FUCA2: variants seen among roughly 807,000 people sequenced by gnomAD.
FUCA2 encodes the protein alpha-L-fucosidase 2.
Under a neutral mutation model 52.6 loss-of-function variants are expected in FUCA2, and 41 were observed. The ratio of observed to expected loss-of-function variants is 0.78; its 90% CI spans 0.61 to 1.01. The LOEUF is 1.01. FUCA2 is among the 50% of genes least tolerant of loss of function. The pLI is 0.00. For synonymous variants in FUCA2, 211 were observed against 217.3 expected (o/e 0.97, Z 0.26); for missense variants, 507 against 569.5 (o/e 0.89, Z 1.12).
rs1265802225 is a variant in FUCA2, at chr6:143,497,553, A to G, written c.1155-56T>C. ...TAGCAAGTTACATCCCATGTTTCTC[A>G]CTATTTATGGATCAGGAACAATCTG... On this transcript the variant is annotated intron_variant, in intron 5 of 6. Coordinates refer to ENST00000002165, the MANE Select transcript of FUCA2 (RefSeq NM_032020.5). This position sits in a 1 kb window ranked among gnomAD's most constrained non-coding sequence, Gnocchi z 5.3. The G allele has an allele frequency of 3.3e-6, 3 of 898,216 alleles. No homozygotes were observed. The highest frequency in any genetic ancestry group is 5.4e-6 in the Non-Finnish European group (3 of 555,542). 55.6% of individuals were successfully genotyped at this position (898,216 alleles called of 1,614,324 possible).
rs529032539 is a variant in FUCA2, at chr6:143,511,268, C to A, written c.224+143G>T. 3.2e-5 allele frequency: 22 copies of A among 679,660 alleles called. No homozygotes were observed. The highest frequency in any genetic ancestry group is 4.1e-5 in the Non-Finnish European group (17 of 418,170). The allele number at this position is 679,660 out of a possible 1,614,324, so 42.1% of individuals were successfully genotyped here. A position where few individuals can be genotyped will look rare whatever the true frequency, so the allele number is the denominator to read the frequency against. On this transcript the variant is annotated intron_variant, in intron 1 of 6. Coordinates refer to ENST00000002165, the MANE Select transcript of FUCA2 (RefSeq NM_032020.5). The surrounding 1 kb of genome is among the most constrained non-coding windows in gnomAD (Gnocchi z 6.3). ...ACCACATATTCGACACCCGGAAGTG[C>A]GAAACGCGGGTAACGCAGTGGGAGG...
chr6:143,505,296 T>G (rs1156325456), intron 2 of FUCA2: 1 of 149,520 alleles, frequency 6.7e-6, no homozygotes, highest in African/African-American at 2.5e-5. Flanking sequence ...TAAGAATGAC[T>G]CATACTTTCG....
Position 143,503,865 on chromosome 6 carries a change from A to G in FUCA2, c.752+48T>C. 7.3e-7 allele frequency: 1 copy of G among 1,370,956 alleles called. No individual in the cohort carries two copies. Among genetic ancestry groups the G allele is most frequent in the East Asian group, 2.3e-5 (1 of 43,298 alleles). 84.9% of individuals were successfully genotyped at this position (1,370,956 alleles called of 1,614,324 possible). ...GTGAAGGAATTAAAATGTTAGAAAT[A>G]TATTAGGAATATGGAGGGTAACTGC... On this transcript the variant is annotated intron_variant, in intron 3 of 6. Coordinates refer to ENST00000002165, the MANE Select transcript of FUCA2 (RefSeq NM_032020.5). This position sits in a 1 kb window ranked among gnomAD's most constrained non-coding sequence, Gnocchi z 4.8.
In FUCA2 at chr6:143,503,803, C is replaced by T. The variant is rs1780562589; in HGVS notation, c.752+110G>A. 1 of 782,922 alleles carries T rather than the reference C, an allele frequency of 1.3e-6. No homozygotes were observed. Among genetic ancestry groups the T allele is most frequent in the Non-Finnish European group, 2.0e-6 (1 of 497,582 alleles). 48.5% of individuals were successfully genotyped at this position (782,922 alleles called of 1,614,324 possible). On this transcript the variant is annotated intron_variant, in intron 3 of 6. Transcript: ENST00000002165. This position sits in a 1 kb window ranked among gnomAD's most constrained non-coding sequence, Gnocchi z 4.8. Reference sequence around the variant, plus strand: ...ATTATTTACAATGATTTTCTCCCCCCATACCACCAATGACTTAAAATGAAA... The same window carrying T: ...ATTATTTACAATGATTTTCTCCCCCTATACCACCAATGACTTAAAATGAAA...
Position 143,511,719 on chromosome 6 carries a change from G to T in FUCA2, c.-85C>A. On this transcript the variant is annotated 5_prime_UTR_variant, in exon 1 of 7. Transcript: ENST00000002165. The surrounding 1 kb of genome is among the most constrained non-coding windows in gnomAD (Gnocchi z 6.3). Reference sequence around the variant, plus strand: ...TTCCGTCTCTGCCGCTGAGTATGCCGCGCCGCGGTCACCTGACCAAGTCGG... The same window carrying T: ...TTCCGTCTCTGCCGCTGAGTATGCCTCGCCGCGGTCACCTGACCAAGTCGG... 7.7e-7 allele frequency: 1 copy of T among 1,291,138 alleles called. No individual in the cohort carries two copies. The highest frequency in any genetic ancestry group is 1.0e-6 in the Non-Finnish European group (1 of 973,450). 80.0% of individuals were successfully genotyped at this position (1,291,138 alleles called of 1,614,324 possible).
In FUCA2 at chr6:143,497,465, T is replaced by C; in HGVS notation, c.1187A>G (p.Tyr396Cys). 2 of 1,613,340 alleles carry C rather than the reference T, an allele frequency of 1.2e-6. No homozygotes were observed. The highest frequency in any genetic ancestry group is 1.7e-6 in the Non-Finnish European group (2 of 1,179,390). ...YTSKPKEKLV[Y>C]AIFLKWPTSG... is the part of the protein sequence containing the mutation. Reference sequence around the variant, plus strand: ...TGTGGGCCATTTAAGAAAAATGGCATAGACTAATTTTTCTTTAGGCTTGGA... The same window carrying C: ...TGTGGGCCATTTAAGAAAAATGGCACAGACTAATTTTTCTTTAGGCTTGGA... Residue 396 changes from tyrosine to cysteine, a missense_variant, in exon 6 of 7, where the codon TAT becomes TGT. Tyr to Cys is a radical substitution (Grantham distance 194). Coordinates refer to ENST00000002165, the MANE Select transcript of FUCA2 (RefSeq NM_032020.5). This position sits in a 1 kb window ranked among gnomAD's most constrained non-coding sequence, Gnocchi z 5.3.
chr6:143,507,433 A>G lies in FUCA2; in HGVS notation c.225-9T>C. On this transcript the variant is annotated splice_polypyrimidine_tract_variant and intron_variant, in intron 1 of 6. Transcript: ENST00000002165. This position sits in a 1 kb window ranked among gnomAD's most constrained non-coding sequence, Gnocchi z 4.5. ...CCTTTTGCCAATACCACCTAAGGGG[A>G]GGAAAGGAAAGAGTGCATAAACAGC... The G allele has an allele frequency of 6.4e-7, 1 of 1,573,298 alleles. No individual in the cohort carries two copies.
Position 143,495,975 on chromosome 6 carries a change from T to G in FUCA2, c.1264-128A>C. 1 of 857,042 alleles carries G rather than the reference T, an allele frequency of 1.2e-6. No individual in the cohort carries two copies. Among genetic ancestry groups the G allele is most frequent in the Non-Finnish European group, 1.8e-6 (1 of 553,434 alleles). The allele number at this position is 857,042 out of a possible 1,614,324, so 53.1% of individuals were successfully genotyped here. A position where few individuals can be genotyped will look rare whatever the true frequency, so the allele number is the denominator to read the frequency against. On this transcript the variant is annotated intron_variant, in intron 6 of 6. Transcript: ENST00000002165. This position sits in a 1 kb window ranked among gnomAD's most constrained non-coding sequence, Gnocchi z 5.2. ...CAAGAGGTTCATTTTTACCTTTATT[T>G]AGTGATTCACAATCACTCTTCATCC...
intron 6 of FUCA2, chr6:143,496,966 T>A (rs557162038): frequency 1.2e-4 from 19 of 152,670 alleles, no homozygotes; most frequent in African/African-American, 4.6e-4. Context: ...ATTGGTGAAA[T>A]TCATTTTATT....
rs755729641 is a variant in FUCA2 at position 143,495,862 on chromosome 6, A to G, written c.1264-15T>C. The G allele has an allele frequency of 7.4e-5, 120 of 1,612,442 alleles. No individual in the cohort carries two copies. Among genetic ancestry groups the G allele is most frequent in the Non-Finnish European group, 9.6e-5 (113 of 1,178,880 alleles). ...AGTAGTTTCACCTGAAATTAAAAACATACATGCAAATGTCTCCAAATTTAT... is the reference window on the plus strand; with the variant it reads ...AGTAGTTTCACCTGAAATTAAAAACGTACATGCAAATGTCTCCAAATTTAT... On this transcript the variant is annotated splice_polypyrimidine_tract_variant and intron_variant, in intron 6 of 6. Transcript: ENST00000002165. The surrounding 1 kb of genome is among the most constrained non-coding windows in gnomAD (Gnocchi z 5.2).
At chr6:143,506,192 G>GTTTTTT (rs3060493) in intron 2 of FUCA2, 1 of 125,814 alleles carries the variant, frequency 7.9e-6, no homozygotes, top group African/African-American at 3.0e-5. Context: ...AAAGTTTCCC[G>GTTTTTT]TTTTTTTTTT....
rs1215800329 is a variant in FUCA2 at position 143,499,654 on chromosome 6, A to G, written c.1155-2157T>C. ...AAGGAAGAGCCAAAAGGTACGACAAACACCAGGAGAGACAGTGATAAACTG... is the reference window on the plus strand; with the variant it reads ...AAGGAAGAGCCAAAAGGTACGACAAGCACCAGGAGAGACAGTGATAAACTG... On this transcript the variant is annotated intron_variant, in intron 5 of 6. Coordinates refer to ENST00000002165, the MANE Select transcript of FUCA2 (RefSeq NM_032020.5). The surrounding 1 kb of genome is among the most constrained non-coding windows in gnomAD (Gnocchi z 6.0). Among the ~76,000 whole-genome samples the G allele has an allele frequency of 1.3e-5, 2 of 152,212 alleles. No homozygotes were observed. Among genetic ancestry groups the G allele is most frequent in the Non-Finnish European group, 2.9e-5 (2 of 68,044 alleles).
Position 143,502,550 on chromosome 6 carries a change from T to C in FUCA2, c.768A>G (p.Thr256=), listed in dbSNP as rs751628619. ...WLYNESPVRG[T]VVTNDRWGAG... ...CTCCCCAACGATCATTGGTGACTACTGTGCCCCGAACTGGGCTGAAATGAA... is the reference window on the plus strand; with the variant it reads ...CTCCCCAACGATCATTGGTGACTACCGTGCCCCGAACTGGGCTGAAATGAA... The change falls in exon 4 of 7, where the codon ACA becomes ACG. Residue 256 remains threonine, a synonymous_variant. Transcript: ENST00000002165. The surrounding 1 kb of genome is among the most constrained non-coding windows in gnomAD (Gnocchi z 4.1). The C allele has an allele frequency of 1.9e-6, 3 of 1,614,050 alleles. No individual in the cohort carries two copies. Among genetic ancestry groups the C allele is most frequent in the Non-Finnish European group, 2.5e-6 (3 of 1,179,936 alleles).
At position 143,504,066 on chromosome 6, in the gene FUCA2, T is replaced by C. The variant is rs141330472; in HGVS notation, c.599A>G (p.His200Arg). ...CTTAGAAACTGGAAATTGCCGCTTA[T>C]GGAATGAACTGGATTCATCCTCAAG... Reference protein sequence around the residue: ...LFLEDESSSFHKRQFPVSKTL... With the variant: ...LFLEDESSSFRKRQFPVSKTL... Residue 200 changes from histidine to arginine, a missense_variant, in exon 3 of 7, where the codon CAT becomes CGT. Transcript: ENST00000002165. The surrounding 1 kb of genome is among the most constrained non-coding windows in gnomAD (Gnocchi z 4.4). The C allele has an allele frequency of 5.0e-6, 8 of 1,614,180 alleles. No homozygotes were observed. Among genetic ancestry groups the C allele is most frequent in the South Asian group, 1.1e-5 (1 of 91,080 alleles).
chr6:143,510,868 C>A lies in FUCA2; in HGVS notation c.224+543G>T, dbSNP rs891009763. Among the ~76,000 whole-genome samples, 1 of 152,032 alleles carries A rather than the reference C, an allele frequency of 6.6e-6. No individual in the cohort carries two copies. The highest frequency in any genetic ancestry group is 2.4e-5 in the African/African-American group (1 of 41,398). On this transcript the variant is annotated intron_variant, in intron 1 of 6. Transcript: ENST00000002165. The surrounding 1 kb of genome is among the most constrained non-coding windows in gnomAD (Gnocchi z 4.4). ...TGATAACTGGGTTGTGTTAAGAGTA[C>A]CATTCTAGAACCTCTTTAAAAAGTT...
chr6:143,497,159 G>T lies in FUCA2; in HGVS notation c.1263+230C>A. The T allele has an allele frequency of 2.2e-6, 1 of 452,848 alleles. No individual in the cohort carries two copies. 28.1% of individuals were successfully genotyped at this position (452,848 alleles called of 1,614,324 possible). A position where few individuals can be genotyped will look rare whatever the true frequency, so the allele number is the denominator to read the frequency against. On this transcript the variant is annotated intron_variant, in intron 6 of 6. Transcript: ENST00000002165. The surrounding 1 kb of genome is among the most constrained non-coding windows in gnomAD (Gnocchi z 5.3). ...AAAAATTTTTGTAGACAGGGGTCTT[G>T]CTATGTTGCCCAGGCTAGTCTCAAA... is the stretch of plus-strand genomic sequence containing the variant.
In FUCA2 at chr6:143,501,494, T is replaced by A. The variant is rs1780526647; in HGVS notation, c.1154+438A>T. 6.6e-6 allele frequency among the ~76,000 whole-genome samples: 1 copy of A among 152,208 alleles called. No homozygotes were observed. The highest frequency in any genetic ancestry group is 1.9e-4 in the East Asian group (1 of 5,198). On this transcript the variant is annotated intron_variant, in intron 5 of 6. Coordinates refer to ENST00000002165, the MANE Select transcript of FUCA2 (RefSeq NM_032020.5). This position sits in a 1 kb window ranked among gnomAD's most constrained non-coding sequence, Gnocchi z 6.1. ...CATCTTCCCTGAACCCTCCCTATTT[T>A]GATTCATTTTTAATCTAACATTTTC...
At chr6:143,505,173 G>C (rs1319781430) in intron 2 of FUCA2, 4 of 152,040 alleles carry the variant, frequency 2.6e-5, no homozygotes, top group Admixed American at 6.5e-5. Context: ...TCAGTGCCTA[G>C]AGACTTAAAT....
chr6:143,507,255 T>C lies in FUCA2; in HGVS notation c.394A>G (p.Thr132Ala), dbSNP rs749354124. ...QASGAKYIVLTSKHHEGFTLW... is the reference protein window; with the variant it reads ...QASGAKYIVLASKHHEGFTLW... ...GACTTACCTTCATGATGTTTGGAAGTTAAGACAATGTATTTGGCACCAGAG... is the reference window on the plus strand; with the variant it reads ...GACTTACCTTCATGATGTTTGGAAGCTAAGACAATGTATTTGGCACCAGAG... Residue 132 changes from threonine (T) to alanine (A), a missense_variant, in exon 2 of 7, where the codon ACT becomes GCT. Thr to Ala is a moderately conservative substitution (Grantham distance 58). Transcript: ENST00000002165. This position sits in a 1 kb window ranked among gnomAD's most constrained non-coding sequence, Gnocchi z 4.5. The C allele has an allele frequency of 1.3e-6, 2 of 1,597,016 alleles. No individual in the cohort carries two copies.
Sources: gnomAD v4.1 joint callset for allele counts (sites outside exome capture counted in the v4.1 genomes callset) on GRCh38, gnomAD v4.1.1 for gene constraint, Gnocchi (gnomAD v3.1) non-coding constraint, MANE v1.5 for transcripts, NCBI Gene and HGNC (gene_info 2026-07-23, HGNC 2026-07-21) for gene names.